Variants in FOXO3 observed in about 807,000 individuals in gnomAD.
FOXO3 encodes the protein forkhead box protein O3.
FOXO3 carries 4 observed loss-of-function variants against 41.9 expected under a neutral mutation model. That is an observed-to-expected ratio of 0.10 (90% CI 0.05 to 0.22). The LOEUF is 0.22. FOXO3 is among the 10% of genes least tolerant of loss of function. The probability of loss-of-function intolerance (pLI) is 1.00; values close to 1 mark genes in which losing one functional copy is unlikely to be tolerated. For synonymous variants in FOXO3, 318 were observed against 389.3 expected, an observed-to-expected ratio of 0.82 and a Z score of 2.16; for missense variants, 534 against 906.8, an observed-to-expected ratio of 0.59 and a Z score of 5.28.
At chr6:108,672,511 A>C (rs1779243695) in intron 2 of FOXO3, among the ~76,000 whole-genome samples, 1 of 152,164 alleles carries the variant, frequency 6.6e-6, no homozygotes, top group Admixed American at 6.5e-5. Context: ...TCAGTAATAG[A>C]TGTGGACCTT....
rs566932265 is a variant in FOXO3 at position 108,668,684 on chromosome 6, G to A, written c.*34+3795G>A. The stretch of plus-strand genomic sequence containing the variant: ...AAGTACTTTACATAAAGACTGGGAA[G>A]CATCCACCAGCAAAAGCCCAGATGG... On this transcript the variant is annotated intron_variant, in intron 2 of 2. Coordinates refer to ENST00000406360, the MANE Select transcript of FOXO3 (RefSeq NM_001455.4). Among the ~76,000 whole-genome samples the A allele has an allele frequency of 6.6e-5, 10 of 152,284 alleles. No homozygotes were observed. In the East Asian group the frequency reaches 1.3e-3, roughly 21 times the overall value.
chr6:108,592,496 G>A (rs1776755470), intron 1 of FOXO3, among the ~76,000 whole-genome samples: 2 of 152,284 alleles, frequency 1.3e-5, no homozygotes, highest in African/African-American at 4.8e-5. Context: ...CTAGCTCCAT[G>A]ATTTGAGCAA....
intron 1 of FOXO3, among the ~76,000 whole-genome samples, chr6:108,657,571 A>G (rs6906780): frequency 0.024 from 3,652 of 152,320 alleles, 149 homozygotes; most frequent in African/African-American, 0.082. Context: ...GATTAGAAAA[A>G]TCATTCTCGT....
chr6:108,601,909 G>T (rs1388543423), intron 1 of FOXO3, among the ~76,000 whole-genome samples: 1 of 152,168 alleles, frequency 6.6e-6, no homozygotes, highest in Non-Finnish European at 1.5e-5. Flanking sequence ...CATTTGGGTT[G>T]TTTTCAGTTT....
intron 1 of FOXO3, among the ~76,000 whole-genome samples, chr6:108,647,570 T>G (rs183073659): frequency 1.3e-5 from 2 of 152,316 alleles, no homozygotes; most frequent in African/African-American, 2.4e-5. Context: ...CTGGCCCATT[T>G]TATAGCATTC....
At chr6:108,648,492 C>G (rs117770912) in intron 1 of FOXO3, among the ~76,000 whole-genome samples, 3 of 152,150 alleles carry the variant, frequency 2.0e-5, no homozygotes, top group African/African-American at 7.2e-5. Flanking sequence ...CCTTAAGGGT[C>G]GTTGGCAGAG....
rs551979360 is a variant in FOXO3 at position 108,644,822 on chromosome 6, T to C, written c.622-18633T>C. ...CAGCTGACCTTGTTATTTTCTCTTA[T>C]GGTATCCTGTTGTTTTCCTTCAGAG... On this transcript the variant is annotated intron_variant, in intron 1 of 2. Transcript: ENST00000406360. 8.5e-5 allele frequency among the ~76,000 whole-genome samples: 13 copies of C among 152,328 alleles called. No homozygotes were observed. The East Asian group carries it at 2.3e-3, about 27-fold the overall frequency.
chr6:108,664,050 G>T lies in FOXO3; in HGVS notation c.1217G>T (p.Gly406Val). The change falls in exon 2 of 3, where the codon GGA (glycine) becomes GTA (valine). Residue 406 changes from glycine to valine, a missense_variant. By Grantham distance (109) the Gly-to-Val change is moderately radical. Around this residue, in one of 8 missense-constraint regions of FOXO3, gnomAD observed 185 missense variants for 224.9 expected, o/e 0.82. Transcript: ENST00000406360. ...LPPSQPSPTG[G>V]LMQRSSSFPY... ...CCATCCCAGCCATCGCCCACTGGGG[G>T]ACTCATGCAGCGGAGCTCTAGCTTC... 1.2e-6 allele frequency: 2 copies of T among 1,614,176 alleles called. No homozygotes were observed. The highest frequency in any genetic ancestry group is 1.3e-5 in the African/African-American group (1 of 75,042).
In FOXO3 at chr6:108,580,887, T is replaced by G. The variant is rs148966320; in HGVS notation, c.621+19058T>G. Among the ~76,000 whole-genome samples the G allele has an allele frequency of 6.4e-3, 974 of 152,300 alleles. 7 individuals carry two copies. The highest frequency in any genetic ancestry group is 0.011 in the Non-Finnish European group (734 of 68,012). ...TTGTACTCTTGTGAAGTGTGGTTAT[T>G]CTTAGGGATGGGACACTTCAAACTG... On this transcript the variant is annotated intron_variant, in intron 1 of 2. Coordinates refer to ENST00000406360, the MANE Select transcript of FOXO3 (RefSeq NM_001455.4).
chr6:108,661,546 C>T (rs1032541085), intron 1 of FOXO3, among the ~76,000 whole-genome samples: 2 of 152,130 alleles, frequency 1.3e-5, no homozygotes, highest in Non-Finnish European at 2.9e-5. Flanking sequence ...CTCTCTCCAC[C>T]ATGGACTCTG....
At chr6:108,636,235 G>T (rs556872800) in intron 1 of FOXO3, among the ~76,000 whole-genome samples, 68 of 152,318 alleles carry the variant, frequency 4.5e-4, no homozygotes, top group African/African-American at 1.6e-3. Flanking sequence ...TATCGATGTT[G>T]TTCATAGATG....
intron 1 of FOXO3, among the ~76,000 whole-genome samples, chr6:108,660,836 G>A (rs558888631): frequency 1.3e-5 from 2 of 152,124 alleles, no homozygotes; most frequent in East Asian, 3.9e-4. Flanking sequence ...GTAGAGACAG[G>A]GTTACTACCA....
chr6:108,673,057 A>G (rs1182350402), intron 2 of FOXO3, among the ~76,000 whole-genome samples: 4 of 152,230 alleles, frequency 2.6e-5, no homozygotes, highest in Non-Finnish European at 5.9e-5. Context: ...TGTATGTTCA[A>G]AAAAGATCAG....
intron 1 of FOXO3, chr6:108,618,202 C>T: frequency 1.1e-6 from 1 of 946,632 alleles, no homozygotes. Flanking sequence ...TAAACTGCAC[C>T]ACAGAACCAC....
chr6:108,680,931 A>T lies in FOXO3; in HGVS notation c.*1139A>T, dbSNP rs1024169514. 1 of 152,646 alleles carries T rather than the reference A, an allele frequency of 6.6e-6. No homozygotes were observed. Among genetic ancestry groups the T allele is most frequent in the Non-Finnish European group, 1.5e-5 (1 of 68,048 alleles). The allele number at this position is 152,646 out of a possible 1,614,324, so 9.5% of individuals were successfully genotyped here. A position where few individuals can be genotyped will look rare whatever the true frequency, so the allele number is the denominator to read the frequency against. ...TTGATTATTTTCAGCCTTGCTATAT[A>T]ATCTGATCTGCTAGAAGTGTATGAG... On this transcript the variant is annotated 3_prime_UTR_variant, in exon 3 of 3. Transcript: ENST00000406360.
At chr6:108,560,853 A>C, upstream of FOXO3, 69 of 522,320 alleles carry the variant, frequency 1.3e-4, no homozygotes, top group East Asian at 6.2e-4. Context: ...CGGCGGGGGG[A>C]GGGGGCTGCC....
At chr6:108,652,390 T>C (rs1562258589) in intron 1 of FOXO3, among the ~76,000 whole-genome samples, 1 of 152,208 alleles carries the variant, frequency 6.6e-6, no homozygotes, top group Non-Finnish European at 1.5e-5. Flanking sequence ...TTTTTCCACA[T>C]TTTCCATCCC....
rs371167815 is a variant in FOXO3, at chr6:108,666,564, C to G, written c.*34+1675C>G. On this transcript the variant is annotated intron_variant, in intron 2 of 2. Coordinates refer to ENST00000406360, the MANE Select transcript of FOXO3 (RefSeq NM_001455.4). ...TTCACTGTGTTCACCAGGATGGTCT[C>G]GATCTCCTGACCTTGTGATCCGCCC... is the stretch of plus-strand genomic sequence containing the variant. Among the ~76,000 whole-genome samples, 99 of 151,492 alleles carry G rather than the reference C, an allele frequency of 6.5e-4. 1 individual carries two copies. The Middle Eastern group carries it at 0.024, about 37-fold the overall frequency.
intron 1 of FOXO3, among the ~76,000 whole-genome samples, chr6:108,598,561 C>G (rs1318204427): frequency 6.6e-6 from 1 of 152,146 alleles, no homozygotes; most frequent in Non-Finnish European, 1.5e-5. Context: ...AGAGCTTTCT[C>G]TTGAACAAAG....
Sources: gnomAD v4.1 joint callset for allele counts (sites outside exome capture counted in the v4.1 genomes callset) on GRCh38, gnomAD v4.1.1 for gene constraint, gnomAD v4.1.1 regional missense constraint, MANE v1.5 for transcripts, NCBI Gene and HGNC (gene_info 2026-07-23, HGNC 2026-07-21) for gene names.